The following TENM3 variants were observed in gnomAD, a reference collection of about 807,000 sequenced individuals.
TENM3 encodes teneurin transmembrane protein 3.
TENM3 carries 63 observed loss-of-function variants against 255.1 expected under a neutral mutation model. The ratio of observed to expected loss-of-function variants is 0.25; its 90% CI spans 0.20 to 0.30. The LOEUF is 0.30. TENM3 is among the 10% of genes least tolerant of loss of function. The probability of loss-of-function intolerance (pLI) is 1.00; values close to 1 mark genes in which losing one functional copy is unlikely to be tolerated. For synonymous variants in TENM3, 1,306 were observed against 1,322.3 expected (o/e 0.99, Z 0.27); for missense variants, 2,929 against 3,461.1 (o/e 0.85, Z 3.86).
intron 3 of TENM3, among the ~76,000 whole-genome samples, chr4:182,570,829 C>CAA (rs35697079): frequency 2.8e-4 from 41 of 144,932 alleles, no homozygotes; most frequent in Admixed American, 8.3e-4. Flanking sequence ...GACTCTGTGT[C>CAA]AAAAAAAAAA....
At chr4:182,102,179 G>A in the TENM3 span, among the ~76,000 whole-genome samples, 1 of 152,166 alleles carries the variant, frequency 6.6e-6, no homozygotes, top group Non-Finnish European at 1.5e-5. Context: ...ATCGCTAGGG[G>A]GTGGGTTGTG....
chr4:181,589,817 C>G, the TENM3 span, among the ~76,000 whole-genome samples: 3 of 152,126 alleles, frequency 2.0e-5, no homozygotes, highest in Non-Finnish European at 4.4e-5. Context: ...AAAGACCGTA[C>G]GTGATTCTCT....
the TENM3 span, among the ~76,000 whole-genome samples, chr4:181,898,261 T>TAC: frequency 0.19 from 29,184 of 149,832 alleles, 2,913 homozygotes; most frequent in South Asian, 0.3. Flanking sequence ...CATCTGCAGC[T>TAC]ACACACACAC....
At chr4:181,812,728 C>A in the TENM3 span, among the ~76,000 whole-genome samples, 1 of 152,134 alleles carries the variant, frequency 6.6e-6, no homozygotes, top group South Asian at 2.1e-4. Context: ...GGTTGGATAC[C>A]ACCCTGGGCA....
chr4:182,162,529 C>T (rs977039094), intron 1 of TENM3, among the ~76,000 whole-genome samples: 7 of 152,144 alleles, frequency 4.6e-5, no homozygotes, highest in Admixed American at 6.5e-5. Flanking sequence ...CCATCTCAAC[C>T]TCATCATTTC....
the TENM3 span, among the ~76,000 whole-genome samples, chr4:181,941,952 C>T: frequency 1.3e-5 from 2 of 152,198 alleles, no homozygotes; most frequent in African/African-American, 2.4e-5. Context: ...TCGCAGGAGA[C>T]GCTTCTATCA....
chr4:182,559,962 C>T (rs1742979819), intron 3 of TENM3, among the ~76,000 whole-genome samples: 1 of 151,766 alleles, frequency 6.6e-6, no homozygotes, highest in East Asian at 1.9e-4. Context: ...TGATGGATAA[C>T]CCATTTACCC....
intron 3 of TENM3, among the ~76,000 whole-genome samples, chr4:182,563,799 T>C (rs1580950778): frequency 6.6e-6 from 1 of 152,198 alleles, no homozygotes; most frequent in East Asian, 1.9e-4. Context: ...GTTACAAATA[T>C]CCTAATAATG....
the TENM3 span, among the ~76,000 whole-genome samples, chr4:182,108,993 C>A: frequency 6.6e-6 from 1 of 151,760 alleles, no homozygotes; most frequent in Non-Finnish European, 1.5e-5. Context: ...GCCAATTATA[C>A]CAGCTTTAGT....
chr4:181,766,989 A>C, the TENM3 span, among the ~76,000 whole-genome samples: 95 of 151,604 alleles, frequency 6.3e-4, no homozygotes, highest in Non-Finnish European at 1.3e-3. Context: ...GCAGTGGCTC[A>C]CGCCTGTAAT....
At chr4:182,050,205 C>T in the TENM3 span, among the ~76,000 whole-genome samples, 1 of 152,022 alleles carries the variant, frequency 6.6e-6, no homozygotes, top group African/African-American at 2.4e-5. Context: ...GTTGGCCAGG[C>T]TGGTCTCAAA....
chr4:182,480,196 T>C (rs951649324), intron 3 of TENM3, among the ~76,000 whole-genome samples: 7 of 152,046 alleles, frequency 4.6e-5, no homozygotes, highest in African/African-American at 1.7e-4. Context: ...GATTCACTTA[T>C]TTTGGTCATG....
chr4:182,046,574 A>C, the TENM3 span, among the ~76,000 whole-genome samples: 1 of 150,586 alleles, frequency 6.6e-6, no homozygotes, highest in Non-Finnish European at 1.5e-5. Context: ...TAATAATAAT[A>C]ATAATAACAA....
At chr4:181,619,172 G>A in the TENM3 span, among the ~76,000 whole-genome samples, 3 of 152,106 alleles carry the variant, frequency 2.0e-5, no homozygotes, top group Non-Finnish European at 2.9e-5. Flanking sequence ...AGCTTCCTCG[G>A]AGTGGCCGTC....
chr4:182,532,051 T>C (rs1227972399), intron 3 of TENM3, among the ~76,000 whole-genome samples: 1 of 152,216 alleles, frequency 6.6e-6, no homozygotes, highest in East Asian at 1.9e-4. Flanking sequence ...ACAAGCATAG[T>C]TGGCACTATG....
the TENM3 span, among the ~76,000 whole-genome samples, chr4:181,934,115 A>G: frequency 6.6e-6 from 1 of 151,852 alleles, no homozygotes; most frequent in Non-Finnish European, 1.5e-5. Flanking sequence ...ACATAGGAAT[A>G]TGATGTTGGA....
the TENM3 span, among the ~76,000 whole-genome samples, chr4:181,739,123 CAA>C: frequency 6.6e-6 from 1 of 152,206 alleles, no homozygotes; most frequent in South Asian, 2.1e-4. Flanking sequence ...TAGCCTGGAA[CAA>C]AACGCCAGCC....
At chr4:181,955,343 G>A in the TENM3 span, among the ~76,000 whole-genome samples, 1,023 of 152,288 alleles carry the variant, frequency 6.7e-3, 11 homozygotes, top group African/African-American at 0.023. Context: ...TAGCACTGCA[G>A]GAGTGGCTAC....
chr4:182,130,875 A>T, the TENM3 span, among the ~76,000 whole-genome samples: 1 of 152,086 alleles, frequency 6.6e-6, no homozygotes, highest in Non-Finnish European at 1.5e-5. Flanking sequence ...ATAAACTCTA[A>T]CCCTCTAAAG....
Sources: allele counts gnomAD v4.1 joint callset (sites outside exome capture counted in the v4.1 genomes callset), GRCh38; gene constraint gnomAD v4.1.1; transcripts MANE v1.5; gene names NCBI Gene and HGNC (gene_info 2026-07-23, HGNC 2026-07-21).